Variants in E2F3 observed in about 807,000 individuals in gnomAD.
E2F3 encodes E2F transcription factor 3.
E2F3 carries 11 observed loss-of-function variants against 44.4 expected under a neutral mutation model. The observed-to-expected ratio is 0.25, with a 90% CI of 0.16 to 0.41. The LOEUF is 0.41. Among genes scored for constraint, E2F3 ranks in the 10% least tolerant of loss-of-function variants. E2F3 has a pLI of 1.00. For missense variants in E2F3, 487 were observed against 583.6 expected, an observed-to-expected ratio of 0.83 and a Z score of 1.70; for synonymous variants, 249 against 253.0, an observed-to-expected ratio of 0.98 and a Z score of 0.15.
chr6:20,448,314 T>C (rs1644243073), intron 1 of E2F3, among the ~76,000 whole-genome samples: 1 of 152,200 alleles, frequency 6.6e-6, no homozygotes, highest in Admixed American at 6.5e-5. Flanking sequence ...TATCTTCCTA[T>C]AAATTCCTGG....
In E2F3 at chr6:20,407,300, A is replaced by G. The variant is rs1222947387; in HGVS notation, c.393+4675A>G. ...CTTGGGCACTACAGGTAGCTCCACTATAATCAGTACCAAGGGCGCCACTCT... is the reference window on the plus strand; with the variant it reads ...CTTGGGCACTACAGGTAGCTCCACTGTAATCAGTACCAAGGGCGCCACTCT... On this transcript the variant is annotated intron_variant, in intron 1 of 6. Transcript: ENST00000346618. Among the ~76,000 whole-genome samples, 5 of 152,210 alleles carry G rather than the reference A, an allele frequency of 3.3e-5. No homozygotes were observed. In the East Asian group the frequency reaches 9.6e-4, roughly 29 times the overall value.
chr6:20,441,816 C>T (rs986303738), intron 1 of E2F3, among the ~76,000 whole-genome samples: 1 of 151,464 alleles, frequency 6.6e-6, no homozygotes, highest in African/African-American at 2.4e-5. Context: ...CATCCACCCA[C>T]CTTGGCCTCC....
intron 1 of E2F3, among the ~76,000 whole-genome samples, chr6:20,429,158 G>A (rs565863081): frequency 6.6e-6 from 1 of 152,316 alleles, no homozygotes; most frequent in East Asian, 1.9e-4. Context: ...TAGTGCCAAG[G>A]TTAACAAGTC....
chr6:20,485,275 G>T (rs1303792781), intron 4 of E2F3, among the ~76,000 whole-genome samples: 1 of 152,082 alleles, frequency 6.6e-6, no homozygotes, highest in African/African-American at 2.4e-5. Context: ...GAATGGTTCA[G>T]TGCTTAGAAA....
chr6:20,440,986 C>T (rs1760753914), intron 1 of E2F3, among the ~76,000 whole-genome samples: 1 of 152,138 alleles, frequency 6.6e-6, no homozygotes, highest in African/African-American at 2.4e-5. Flanking sequence ...GGCCCAAAAT[C>T]CAGTGTGGCA....
At chr6:20,419,995 A>G (rs1759971369) in intron 1 of E2F3, among the ~76,000 whole-genome samples, 3 of 152,166 alleles carry the variant, frequency 2.0e-5, no homozygotes, top group South Asian at 2.1e-4. Flanking sequence ...CCTACTGAGT[A>G]GCTGGGACTA....
chr6:20,429,403 C>G (rs1253613751), intron 1 of E2F3, among the ~76,000 whole-genome samples: 1 of 152,158 alleles, frequency 6.6e-6, no homozygotes, highest in African/African-American at 2.4e-5. Context: ...CCACCTGGGA[C>G]TTGAGTCATC....
chr6:20,488,703 A>G (rs1762470756), intron 6 of E2F3, among the ~76,000 whole-genome samples: 1 of 152,112 alleles, frequency 6.6e-6, no homozygotes. Flanking sequence ...GAACGCTAGG[A>G]AAGTAAGTCT....
intron 1 of E2F3, chr6:20,445,232 G>T: frequency 1.2e-6 from 1 of 802,266 alleles, no homozygotes; most frequent in Non-Finnish European, 1.5e-6. Context: ...AAATTAGAAT[G>T]TGTATATTTT....
chr6:20,482,800 A>G lies in E2F3; in HGVS notation c.764A>G (p.Gln255Arg), dbSNP rs757880558. Residue 255 changes from glutamine to arginine, a missense_variant, in exon 4 of 7, where the codon CAG becomes CGG. By Grantham distance (43) the Gln-to-Arg change is conservative. Coordinates refer to ENST00000346618, the MANE Select transcript of E2F3 (RefSeq NM_001949.5). ...SLSEDGGMLAQCQGLSKEVTE... is the reference protein window; with the variant it reads ...SLSEDGGMLARCQGLSKEVTE... ...TCTGAGGATGGGGGCATGCTGGCCC[A>G]GTGTCAAGGCCTGTCAAAAGAAGTG... is the stretch of plus-strand genomic sequence containing the variant. The G allele has an allele frequency of 6.2e-7, 1 of 1,612,834 alleles. No homozygotes were observed. Among genetic ancestry groups the G allele is most frequent in the South Asian group, 1.1e-5 (1 of 91,010 alleles).
intron 1 of E2F3, among the ~76,000 whole-genome samples, chr6:20,413,660 C>G (rs1759748083): frequency 6.6e-6 from 1 of 152,114 alleles, no homozygotes; most frequent in South Asian, 2.1e-4. Flanking sequence ...AGCTGGGTAC[C>G]CTTGAGTGGT....
Position 20,493,563 on chromosome 6 carries a change from AAAAAC to A in E2F3, c.*3138_*3142del. On this transcript the variant is annotated 3_prime_UTR_variant, in exon 7 of 7. Coordinates refer to ENST00000346618, the MANE Select transcript of E2F3 (RefSeq NM_001949.5). Reference sequence around the variant, plus strand: ...AGAAAATATGTAATATAATGTAAAAAAAAACAAAAAAAAGCTTTTATGATGGATTT... The same window carrying A: ...AGAAAATATGTAATATAATGTAAAAAAAAAAAAAGCTTTTATGATGGATTT... 4 of 208,978 alleles carry A rather than the reference AAAAAC, an allele frequency of 1.9e-5. No homozygotes were observed. Among genetic ancestry groups the A allele is most frequent in the East Asian group, 7.4e-5 (1 of 13,508 alleles). 12.9% of individuals were successfully genotyped at this position (208,978 alleles called of 1,614,324 possible).
Position 20,452,750 on chromosome 6 carries a change from C to A in E2F3, c.394-27096C>A, listed in dbSNP as rs528785176. On this transcript the variant is annotated intron_variant, in intron 1 of 6. Coordinates refer to ENST00000346618, the MANE Select transcript of E2F3 (RefSeq NM_001949.5). Reference sequence around the variant, plus strand: ...GGATCACGAGGTCAGGAGATCCAGACCATCCTGGCCAACCAACATGGTGAA... The same window carrying A: ...GGATCACGAGGTCAGGAGATCCAGAACATCCTGGCCAACCAACATGGTGAA... 4.6e-5 allele frequency among the ~76,000 whole-genome samples: 7 copies of A among 152,146 alleles called. No homozygotes were observed. The South Asian group carries it at 1.5e-3, about 32-fold the overall frequency.
At chr6:20,437,668 T>C (rs765758934) in intron 1 of E2F3, among the ~76,000 whole-genome samples, 33 of 152,146 alleles carry the variant, frequency 2.2e-4, no homozygotes, top group Admixed American at 6.6e-5. Flanking sequence ...TTTAGAGAAG[T>C]TTGTAATATC....
At chr6:20,431,771 G>T (rs1383496015) in intron 1 of E2F3, among the ~76,000 whole-genome samples, 1 of 152,126 alleles carries the variant, frequency 6.6e-6, no homozygotes, top group Non-Finnish European at 1.5e-5. Flanking sequence ...CTCTGTTTTT[G>T]GAAATATCTA....
chr6:20,433,297 A>T (rs1156664921), intron 1 of E2F3, among the ~76,000 whole-genome samples: 1 of 152,208 alleles, frequency 6.6e-6, no homozygotes, highest in Non-Finnish European at 1.5e-5. Flanking sequence ...GTCGTGCATT[A>T]TGCTAGTTAG....
intron 1 of E2F3, among the ~76,000 whole-genome samples, chr6:20,424,906 A>G (rs139605357): frequency 0.01 from 1,562 of 152,320 alleles, 14 homozygotes; most frequent in Non-Finnish European, 0.015. Flanking sequence ...GACCAAGTCC[A>G]GGAAATTTCG....
At chr6:20,479,695 T>G (rs1343490607) in intron 1 of E2F3, 151 bp from the exon 2 acceptor site, 2 of 636,590 alleles carry the variant, frequency 3.1e-6, no homozygotes, top group Non-Finnish European at 5.5e-6. Flanking sequence ...GAATCCTGGC[T>G]CTAGGGAATG....
intron 1 of E2F3, among the ~76,000 whole-genome samples, chr6:20,431,381 C>T (rs957546396): frequency 6.6e-6 from 1 of 152,254 alleles, no homozygotes; most frequent in African/African-American, 2.4e-5. Flanking sequence ...CCTCGCATCC[C>T]ATGGCCCAGT....
Sources: gnomAD v4.1 joint callset for allele counts (sites outside exome capture counted in the v4.1 genomes callset) on GRCh38, gnomAD v4.1.1 for gene constraint, MANE v1.5 for transcripts, NCBI Gene and HGNC (gene_info 2026-07-23, HGNC 2026-07-21) for gene names.